The following PITPNM1 variants were observed in gnomAD, a reference collection of about 807,000 sequenced individuals.
PITPNM1 encodes membrane-associated phosphatidylinositol transfer protein 1.
A neutral mutation model predicts 133.3 loss-of-function variants in PITPNM1; 74 were observed. The observed-to-expected ratio is 0.56, with a 90% CI of 0.46 to 0.67. The LOEUF is 0.67. PITPNM1 is among the 30% of genes least tolerant of loss of function. PITPNM1 has a pLI of 0.00. For missense variants in PITPNM1, 1,398 were observed against 1,739.5 expected (o/e 0.80, Z 3.49); for synonymous variants, 738 against 741.4 (o/e 1.00, Z 0.08).
At position 67,492,948 on chromosome 11, in the gene PITPNM1, G is replaced by A; in HGVS notation, c.3457C>T (p.Gln1153Ter). 1.2e-6 allele frequency: 2 copies of A among 1,612,772 alleles called. No individual in the cohort carries two copies. The highest frequency in any genetic ancestry group is 1.7e-6 in the Non-Finnish European group (2 of 1,179,798). Residue 1153 changes from glutamine (Q) to a stop codon, truncating the protein, a stop_gained, in exon 23 of 24, where the codon CAG (glutamine) becomes TAG (stop). Transcript: ENST00000356404. LOFTEE classifies it high-confidence loss of function. The part of the protein sequence containing the change: ...YIVGRAVRKL[Q>*]AQCQFLSDGY... ...TTGGGCCTCACCTGGCACTGCGCCT[G>A]TAGCTTCCGCACGGCACGGCCCACG...
Position 67,502,343 on chromosome 11 carries a change from G to T in PITPNM1, c.364C>A (p.Gln122Lys). The T allele has an allele frequency of 6.2e-7, 1 of 1,613,704 alleles. No homozygotes were observed. The highest frequency in any genetic ancestry group is 8.5e-7 in the Non-Finnish European group (1 of 1,180,014). Residue 122 changes from glutamine (Q) to lysine (K), a missense_variant, in exon 4 of 24, where the codon CAG becomes AAG. This residue lies in a region of PITPNM1 where 274 missense variants were observed against 360.7 expected (regional missense o/e 0.76). Transcript: ENST00000356404. The surrounding 1 kb of genome is among the most constrained non-coding windows in gnomAD (Gnocchi z 5.9). The part of the protein sequence containing the change: ...ETYYLPDGGQ[Q>K]PNVFNLSGAE... ...CCGCTCAGGTTGAAGACGTTTGGCTGCTGCCCCCCATCAGGCAGGTAATAG... is the reference window on the plus strand; with the variant it reads ...CCGCTCAGGTTGAAGACGTTTGGCTTCTGCCCCCCATCAGGCAGGTAATAG...
In PITPNM1 at chr11:67,493,443, C is replaced by T; in HGVS notation, c.3309G>A (p.Gln1103=). The change falls in exon 22 of 24, where the codon CAG becomes CAA. Residue 1103 remains glutamine, a synonymous_variant. Transcript: ENST00000356404. ...CDGLTHDPLR[Q]KAMFLQSLVQ... Reference sequence around the variant, plus strand: ...CCAGGCTCTGCAGAAACATTGCCTTCTGGCGTAGTGGGTCGTGGGTGAGGC... The same window carrying T: ...CCAGGCTCTGCAGAAACATTGCCTTTTGGCGTAGTGGGTCGTGGGTGAGGC... The T allele has an allele frequency of 6.2e-7, 1 of 1,601,568 alleles. No individual in the cohort carries two copies. Among genetic ancestry groups the T allele is most frequent in the Non-Finnish European group, 8.5e-7 (1 of 1,172,750 alleles).
intron 5 of PITPNM1, 137 bp from the exon 6 acceptor site, chr11:67,500,558 G>T: frequency 1.3e-6 from 1 of 773,180 alleles, no homozygotes; most frequent in Non-Finnish European, 2.1e-6. Context: ...GGCAGGGCCA[G>T]TGCAGTCCAG....
Position 67,498,894 on chromosome 11 carries a change from C to T in PITPNM1, c.1233+46G>A. 6.2e-7 allele frequency: 1 copy of T among 1,610,980 alleles called. No homozygotes were observed. The highest frequency in any genetic ancestry group is 8.5e-7 in the Non-Finnish European group (1 of 1,178,152). On this transcript the variant is annotated intron_variant, in intron 9 of 23. Coordinates refer to ENST00000356404, the MANE Select transcript of PITPNM1 (RefSeq NM_004910.3). This position sits in a 1 kb window ranked among gnomAD's most constrained non-coding sequence, Gnocchi z 5.7. The stretch of plus-strand genomic sequence containing the variant: ...GTGGGTGTCACAGCAGTGGCCGGGC[C>T]AGTGAGTAGGGGGAGCTTTGACATG...
At chr11:67,497,073 C>G in intron 14 of PITPNM1, 158 bp downstream of exon 14, 1 of 608,982 alleles carries the variant, frequency 1.6e-6, no homozygotes, top group Non-Finnish European at 2.7e-6. Context: ...TGGCGAGTCC[C>G]TTCTTTCTGG....
In PITPNM1 at chr11:67,504,301, A is replaced by AG. The variant is rs1866425116; in HGVS notation, c.-41-81dup. 2.2e-6 allele frequency: 1 copy of AG among 457,770 alleles called. No homozygotes were observed. The highest frequency in any genetic ancestry group is 3.4e-6 in the Non-Finnish European group (1 of 290,172). 28.4% of individuals were successfully genotyped at this position (457,770 alleles called of 1,614,324 possible). On this transcript the variant is annotated intron_variant, in intron 1 of 23. Coordinates refer to ENST00000356404, the MANE Select transcript of PITPNM1 (RefSeq NM_004910.3). This position sits in a 1 kb window ranked among gnomAD's most constrained non-coding sequence, Gnocchi z 5.4. ...GCCCTGCGCGCCGGCCGAGGGACTC[A>AG]GGCCACGGGACCCCATGTCCGGGCC...
Position 67,497,562 on chromosome 11 carries a change from T to C in PITPNM1, c.1900A>G (p.Ser634Gly). Residue 634 changes from serine (S) to glycine (G), a missense_variant, in exon 13 of 24, where the codon AGC (serine) becomes GGC (glycine). This residue lies in a region of PITPNM1 where 574 missense variants were observed against 698.7 expected (regional missense o/e 0.82). Coordinates refer to ENST00000356404, the MANE Select transcript of PITPNM1 (RefSeq NM_004910.3). ...PSALPPQRIP[S>G]DMASPEPEGS... ...TCGGGCTCAGGACTGGCCATGTCGC[T>C]GGGGATGCGCTGGGGAGGCAAGGCC... 6.2e-7 allele frequency: 1 copy of C among 1,609,336 alleles called. No homozygotes were observed. The highest frequency in any genetic ancestry group is 2.2e-5 in the East Asian group (1 of 44,854).
At chr11:67,495,705 G>T in intron 15 of PITPNM1, 103 bp from the exon 16 acceptor site, 1 of 1,163,038 alleles carries the variant, frequency 8.6e-7, no homozygotes, top group Non-Finnish European at 1.2e-6. Flanking sequence ...GGCCCCTCTG[G>T]TCAGGTCCTG....
rs1866342356 is a variant in PITPNM1, at chr11:67,502,167, GT to G, written c.416-82del. ...GGCACCCTCTTGGGACTGGATGACAGTTCCCGTCCTTTTGCAGACAGGACAT... is the reference window on the plus strand; with the variant it reads ...GGCACCCTCTTGGGACTGGATGACAGTCCCGTCCTTTTGCAGACAGGACAT... On this transcript the variant is annotated intron_variant, in intron 4 of 23. Coordinates refer to ENST00000356404, the MANE Select transcript of PITPNM1 (RefSeq NM_004910.3). The surrounding 1 kb of genome is among the most constrained non-coding windows in gnomAD (Gnocchi z 5.9). The G allele has an allele frequency of 6.4e-7, 1 of 1,551,256 alleles. No homozygotes were observed. The highest frequency in any genetic ancestry group is 1.2e-5 in the South Asian group (1 of 85,622).
chr11:67,492,827 G>T (rs913280126), intron 23 of PITPNM1, 107 bp downstream of exon 23: 3 of 1,381,002 alleles, frequency 2.2e-6, no homozygotes, highest in East Asian at 2.4e-5. Flanking sequence ...CCTGGAGGCC[G>T]GTTAGGCCTT....
chr11:67,503,333 G>T (rs1429770216), intron 2 of PITPNM1, among the ~76,000 whole-genome samples: 3 of 152,224 alleles, frequency 2.0e-5, no homozygotes, highest in Non-Finnish European at 4.4e-5. Flanking sequence ...GGAGGCCGGG[G>T]TGGCTGGCAA....
chr11:67,506,019 C>A (rs1044091804), upstream of PITPNM1, among the ~76,000 whole-genome samples: 23 of 152,226 alleles, frequency 1.5e-4, no homozygotes, highest in African/African-American at 5.1e-4. Flanking sequence ...GGTGCTGGGG[C>A]AGTGACGGCA....
chr11:67,496,117 A>T, intron 15 of PITPNM1, 61 bp downstream of exon 15: 1 of 1,401,576 alleles, frequency 7.1e-7, no homozygotes, highest in Non-Finnish European at 9.4e-7. Context: ...GTCTTCTGCT[A>T]CCTCCTCCCT....
chr11:67,499,406 A>G (rs1015039472), intron 8 of PITPNM1, among the ~76,000 whole-genome samples: 2 of 151,540 alleles, frequency 1.3e-5, no homozygotes, highest in Non-Finnish European at 2.9e-5. Context: ...GGCAGCATGG[A>G]CCTAGAAGTT....
chr11:67,493,412 C>G lies in PITPNM1; in HGVS notation c.3340G>C (p.Glu1114Gln), dbSNP rs764476036. The change falls in exon 22 of 24, where the codon GAG (glutamate) becomes CAG (glutamine). Residue 1114 changes from glutamate to glutamine, a missense_variant and splice_region_variant. Around this residue, in one of 5 missense-constraint regions of PITPNM1, gnomAD observed 233 missense variants for 378.0 expected, o/e 0.62. Coordinates refer to ENST00000356404, the MANE Select transcript of PITPNM1 (RefSeq NM_004910.3). ...GGAGCCTCCCCCAGCCGCCGCACCT[C>G]CTGCACCAGGCTCTGCAGAAACATT... ...KAMFLQSLVQ[E>Q]VELNIVAGYG... 1 of 1,584,702 alleles carries G rather than the reference C, an allele frequency of 6.3e-7. No homozygotes were observed. The highest frequency in any genetic ancestry group is 8.6e-7 in the Non-Finnish European group (1 of 1,161,512).
chr11:67,498,964 C>T lies in PITPNM1; in HGVS notation c.1209G>A (p.Gly403=), dbSNP rs763893723. The change falls in exon 9 of 24, where the codon GGG becomes GGA. Residue 403 remains glycine, a synonymous_variant. Coordinates refer to ENST00000356404, the MANE Select transcript of PITPNM1 (RefSeq NM_004910.3). This position sits in a 1 kb window ranked among gnomAD's most constrained non-coding sequence, Gnocchi z 5.7. The part of the protein sequence containing the change: ...GAEAAKGIED[G]AQAPRDSEGL... ...CCTCTGAGTCCCTGGGTGCTTGGGC[C>T]CCATCCTCAATGCCTTTAGCTGCCT... 13 of 1,612,718 alleles carry T rather than the reference C, an allele frequency of 8.1e-6. No homozygotes were observed. Among genetic ancestry groups the T allele is most frequent in the African/African-American group, 1.3e-5 (1 of 74,878 alleles).
At position 67,504,233 on chromosome 11, in the gene PITPNM1, C is replaced by T. The variant is rs552276556; in HGVS notation, c.-41-12G>A. 7.2e-7 allele frequency: 1 copy of T among 1,392,364 alleles called. No homozygotes were observed. 86.3% of individuals were successfully genotyped at this position (1,392,364 alleles called of 1,614,324 possible). A position where few individuals can be genotyped will look rare whatever the true frequency, so the allele number is the denominator to read the frequency against. On this transcript the variant is annotated splice_polypyrimidine_tract_variant and intron_variant, in intron 1 of 23. Coordinates refer to ENST00000356404, the MANE Select transcript of PITPNM1 (RefSeq NM_004910.3). The surrounding 1 kb of genome is among the most constrained non-coding windows in gnomAD (Gnocchi z 5.4). ...GGCCTCCGCTCCTCCTGGCGCAGGG[C>T]ACGGCGCGACAGTCAGTGCGGGGAG... is the stretch of plus-strand genomic sequence containing the variant.
Position 67,504,018 on chromosome 11 carries a change from C to T in PITPNM1, c.78+85G>A. 9.3e-7 allele frequency: 1 copy of T among 1,073,224 alleles called. No individual in the cohort carries two copies. Among genetic ancestry groups the T allele is most frequent in the South Asian group, 1.5e-5 (1 of 67,960 alleles). 66.5% of individuals were successfully genotyped at this position (1,073,224 alleles called of 1,614,324 possible). Reference sequence around the variant, plus strand: ...GCCTCTCTTGCCTCCTCCGGGCTCCCAGCCGGTCCCAGCCCCGGGGCAGGG... The same window carrying T: ...GCCTCTCTTGCCTCCTCCGGGCTCCTAGCCGGTCCCAGCCCCGGGGCAGGG... On this transcript the variant is annotated intron_variant, in intron 2 of 23. Coordinates refer to ENST00000356404, the MANE Select transcript of PITPNM1 (RefSeq NM_004910.3). The surrounding 1 kb of genome is among the most constrained non-coding windows in gnomAD (Gnocchi z 5.4).
At chr11:67,496,732 C>G (rs1201041783) in intron 14 of PITPNM1, 1 of 215,576 alleles carries the variant, frequency 4.6e-6, no homozygotes, top group Non-Finnish European at 9.0e-6. Flanking sequence ...GTCAGGAGTT[C>G]GAGACCAGCC....
Sources: allele counts gnomAD v4.1 joint callset (sites outside exome capture counted in the v4.1 genomes callset), GRCh38; gene constraint gnomAD v4.1.1; regional missense constraint gnomAD v4.1.1; non-coding constraint Gnocchi (gnomAD v3.1); transcripts MANE v1.5; gene names NCBI Gene and HGNC (gene_info 2026-07-23, HGNC 2026-07-21).